Variants in MYO5C observed in about 807,000 individuals in gnomAD.
MYO5C encodes myosin VC, also known as unconventional myosin-Vc.
Under a neutral mutation model 235.7 loss-of-function variants are expected in MYO5C, and 194 were observed. That is an observed-to-expected ratio of 0.82 (90% CI 0.73 to 0.93). The LOEUF (loss-of-function observed/expected upper bound fraction) is 0.93, where lower values mean the gene tolerates loss of function less well. MYO5C is among the 40% of genes least tolerant of loss of function. The pLI is 0.00. For synonymous variants in MYO5C, 707 were observed against 754.8 expected, an observed-to-expected ratio of 0.94 and a Z score of 1.04; for missense variants, 2,038 against 2,127.2, an observed-to-expected ratio of 0.96 and a Z score of 0.82.
At chr15:52,295,534 C>G in intron 1 of MYO5C, 76 bp downstream of exon 1, 1 of 1,474,178 alleles carries the variant, frequency 6.8e-7, no homozygotes, top group East Asian at 3.0e-5. Flanking sequence ...AGGTGTGGCC[C>G]GGGCGCCAGG....
chr15:52,195,467 G>C lies in MYO5C; in HGVS notation c.4996-10C>G. The stretch of plus-strand genomic sequence containing the variant: ...TAAGGATCTTTATGATCTGCAAACG[G>C]TACATAACATGGTGTTAGACCATGC... On this transcript the variant is annotated splice_polypyrimidine_tract_variant and intron_variant, in intron 39 of 40. Transcript: ENST00000261839. The C allele has an allele frequency of 6.3e-7, 1 of 1,586,908 alleles. No individual in the cohort carries two copies. Among genetic ancestry groups the C allele is most frequent in the Non-Finnish European group, 8.6e-7 (1 of 1,157,828 alleles).
chr15:52,289,087 C>A (rs765145656), intron 1 of MYO5C, among the ~76,000 whole-genome samples: 1 of 152,186 alleles, frequency 6.6e-6, no homozygotes, highest in Non-Finnish European at 1.5e-5. Flanking sequence ...AGTGTCCACA[C>A]TCCAGGTCAG....
At chr15:52,279,190 G>A (rs1412904573) in intron 3 of MYO5C, among the ~76,000 whole-genome samples, 173 bp from the exon 4 acceptor site, 1 of 152,068 alleles carries the variant, frequency 6.6e-6, no homozygotes, top group African/African-American at 2.4e-5. Flanking sequence ...CCCTCGGGCT[G>A]TTCTGACGGT....
chr15:52,275,808 A>T, intron 4 of MYO5C, 90 bp from the exon 5 acceptor site: 1 of 1,276,732 alleles, frequency 7.8e-7, no homozygotes. Flanking sequence ...AAGACAAAAG[A>T]GGGAAACTGT....
chr15:52,217,783 G>A (rs1052608879), intron 32 of MYO5C, among the ~76,000 whole-genome samples: 1 of 152,172 alleles, frequency 6.6e-6, no homozygotes, highest in Non-Finnish European at 1.5e-5. Flanking sequence ...CTGTCAGCAG[G>A]GAGAAGGGTA....
rs773395327 is a variant in MYO5C, at chr15:52,211,879, T to TC, written c.4146dup (p.Lys1383GlufsTer30). On this transcript the variant is annotated frameshift_variant, in exon 35 of 41. Coordinates refer to ENST00000261839, the MANE Select transcript of MYO5C (RefSeq NM_018728.4). LOFTEE classifies it high-confidence loss of function. ...ATGTTCACCACCACGCCACGGGGCTTCAAGTCTGAAGCAGAGAGAGCCAAT... is the reference window on the plus strand; with the variant it reads ...ATGTTCACCACCACGCCACGGGGCTTCCAAGTCTGAAGCAGAGAGAGCCAAT... 6.2e-6 allele frequency: 10 copies of TC among 1,613,550 alleles called. No homozygotes were observed. The highest frequency in any genetic ancestry group is 4.0e-5 in the African/African-American group (3 of 74,902).
At chr15:52,271,003 GC>G (rs1566988825) in intron 7 of MYO5C, among the ~76,000 whole-genome samples, 1 of 152,176 alleles carries the variant, frequency 6.6e-6, no homozygotes, top group East Asian at 1.9e-4. Flanking sequence ...AGGACAAACA[GC>G]CCTATGTTTT....
intron 5 of MYO5C, among the ~76,000 whole-genome samples, chr15:52,273,365 TA>T (rs2036966776): frequency 6.6e-6 from 1 of 152,184 alleles, no homozygotes; most frequent in African/African-American, 2.4e-5. Flanking sequence ...TTCCAGGTCT[TA>T]ATTTCCCTAT....
chr15:52,239,569 G>A (rs1294458706), intron 21 of MYO5C, among the ~76,000 whole-genome samples, 164 bp downstream of exon 21: 1 of 152,212 alleles, frequency 6.6e-6, no homozygotes, highest in African/African-American at 2.4e-5. Context: ...CACCACCATA[G>A]CAACCCTTTA....
Position 52,195,431 on chromosome 15 carries a change from T to C in MYO5C, c.5022A>G (p.Thr1674=). 6.2e-7 allele frequency: 1 copy of C among 1,612,822 alleles called. No individual in the cohort carries two copies. The highest frequency in any genetic ancestry group is 8.5e-7 in the Non-Finnish European group (1 of 1,179,300). ...CTCTCTTCTCAAAGTCATCTATAGG[T>C]GTGTATGAATTAAGGATCTTTATGA... is the stretch of plus-strand genomic sequence containing the variant. The part of the protein sequence containing the change: ...VQIIKILNSY[T]PIDDFEKRVT... Residue 1674 remains threonine (T), a synonymous_variant, in exon 40 of 41, where the codon ACA becomes ACG. Transcript: ENST00000261839.
At chr15:52,211,364 TTA>T (rs1451637976) in intron 35 of MYO5C, among the ~76,000 whole-genome samples, 1 of 152,172 alleles carries the variant, frequency 6.6e-6, no homozygotes, top group Non-Finnish European at 1.5e-5. Flanking sequence ...GGAAGAAGAA[TTA>T]TATAATTGCC....
intron 30 of MYO5C, 59 bp from the exon 31 acceptor site, chr15:52,219,881 G>C (rs1214950511): frequency 7.2e-7 from 1 of 1,379,776 alleles, no homozygotes; most frequent in African/African-American, 1.4e-5. Flanking sequence ...ATTCTGATTT[G>C]GGTTTGGTAT....
At chr15:52,208,483 G>T in intron 36 of MYO5C, 71 bp downstream of exon 36, 1 of 1,405,810 alleles carries the variant, frequency 7.1e-7, no homozygotes. Context: ...AGGCTCTATT[G>T]AGCTCTGGCT....
intron 8 of MYO5C, among the ~76,000 whole-genome samples, chr15:52,267,755 A>C (rs2036842018): frequency 6.6e-6 from 1 of 152,152 alleles, no homozygotes; most frequent in African/African-American, 2.4e-5. Context: ...ATTCACATTC[A>C]TTTGATCCCA....
intron 36 of MYO5C, among the ~76,000 whole-genome samples, chr15:52,206,532 T>C (rs1261026613): frequency 6.6e-6 from 1 of 152,116 alleles, no homozygotes; most frequent in Non-Finnish European, 1.5e-5. Context: ...ATTGATGTCC[T>C]TATAAGAAGA....
At chr15:52,294,862 G>A (rs2037464226) in intron 1 of MYO5C, among the ~76,000 whole-genome samples, 1 of 152,208 alleles carries the variant, frequency 6.6e-6, no homozygotes, top group South Asian at 2.1e-4. Context: ...GTTTCCCAGA[G>A]TCAGGGTATA....
At chr15:52,221,395 C>T in intron 29 of MYO5C, 140 bp from the exon 30 acceptor site, 1 of 597,210 alleles carries the variant, frequency 1.7e-6, no homozygotes, top group Admixed American at 3.2e-5. Context: ...CGACATTAGA[C>T]TGGATTAACA....
intron 25 of MYO5C, among the ~76,000 whole-genome samples, 188 bp from the exon 26 acceptor site, chr15:52,225,720 T>A (rs920696990): frequency 5.3e-5 from 8 of 152,154 alleles, no homozygotes; most frequent in African/African-American, 1.7e-4. Context: ...GCTTAACTAC[T>A]CAAAATGCCA....
chr15:52,288,427 G>A (rs537158514), intron 1 of MYO5C, among the ~76,000 whole-genome samples: 1 of 152,266 alleles, frequency 6.6e-6, no homozygotes, highest in South Asian at 2.1e-4. Context: ...CTCTTCTGAA[G>A]ACCAGTGACT....
Sources: gnomAD v4.1 joint callset for allele counts (sites outside exome capture counted in the v4.1 genomes callset) on GRCh38, gnomAD v4.1.1 for gene constraint, MANE v1.5 for transcripts, NCBI Gene and HGNC (gene_info 2026-07-23, HGNC 2026-07-21) for gene names.